OVCH1: variants seen among roughly 807,000 people sequenced by gnomAD.
The protein encoded by OVCH1 is ovochymase 1.
OVCH1 carries 139 observed loss-of-function variants against 138.4 expected under a neutral mutation model. The ratio of observed to expected loss-of-function variants is 1.00; its 90% CI spans 0.87 to 1.16. The LOEUF (loss-of-function observed/expected upper bound fraction) is 1.16, where lower values mean the gene tolerates loss of function less well. OVCH1 is among the 50% of genes most tolerant of loss of function. The pLI is 0.00. For missense variants in OVCH1, 1,367 were observed against 1,357.9 expected, an observed-to-expected ratio of 1.01 and a Z score of -0.11; for synonymous variants, 453 against 467.8, an observed-to-expected ratio of 0.97 and a Z score of 0.41.
chr12:29,471,315 G>A (rs75678630), intron 16 of OVCH1, among the ~76,000 whole-genome samples: 6,539 of 152,138 alleles, frequency 0.043, 171 homozygotes, highest in East Asian at 0.069. Flanking sequence ...TAATCAAGGC[G>A]GTAGGTTATT....
At chr12:29,430,917 C>T (rs1258574336) in intron 27 of OVCH1, 1 of 518,218 alleles carries the variant, frequency 1.9e-6, no homozygotes, top group Non-Finnish European at 3.9e-6. Context: ...TAGCTGCCCT[C>T]CCAGAGTACC....
At chr12:29,474,133 CCTGA>C (rs1327534835) in intron 14 of OVCH1, among the ~76,000 whole-genome samples, 9 of 150,376 alleles carry the variant, frequency 6.0e-5, no homozygotes, top group Non-Finnish European at 8.9e-5. Flanking sequence ...CTAAGAGAAC[CCTGA>C]CTAATACAAC....
downstream of OVCH1, among the ~76,000 whole-genome samples, chr12:29,409,872 T>C (rs141729037): frequency 7.7e-3 from 1,171 of 152,264 alleles, 14 homozygotes; most frequent in African/African-American, 0.027. Context: ...TTGTCAACTT[T>C]CTGTCTCATC....
At chr12:29,450,932 C>T (rs1020616467) in intron 22 of OVCH1, among the ~76,000 whole-genome samples, 12 of 150,822 alleles carry the variant, frequency 8.0e-5, no homozygotes, top group South Asian at 4.2e-4. Flanking sequence ...AACCAAACAC[C>T]GCATGTTCTC....
chr12:29,412,971 T>TACTAACTA (rs5797321), intron 3 of OVCH1, among the ~76,000 whole-genome samples: 1 of 151,496 alleles, frequency 6.6e-6, no homozygotes, highest in Non-Finnish European at 1.5e-5. Flanking sequence ...CTCCTAAGCC[T>TACTAACTA]ACTAACTAAC....
At chr12:29,459,463 AGAAG>A (rs1315226164) in intron 19 of OVCH1, among the ~76,000 whole-genome samples, 1 of 152,196 alleles carries the variant, frequency 6.6e-6, no homozygotes, top group African/African-American at 2.4e-5. Flanking sequence ...GATAGAGTAT[AGAAG>A]GATGATTACC....
At chr12:29,460,404 T>C (rs1452632161) in intron 19 of OVCH1, among the ~76,000 whole-genome samples, 1 of 152,184 alleles carries the variant, frequency 6.6e-6, no homozygotes, top group African/African-American at 2.4e-5. Context: ...GTGATTTTTA[T>C]CAGATAACAT....
chr12:29,444,062 T>G, intron 24 of OVCH1, 83 bp downstream of exon 24: 3 of 1,426,716 alleles, frequency 2.1e-6, no homozygotes, highest in Non-Finnish European at 2.8e-6. Context: ...AGAATAATGT[T>G]TTAAGCAAGT....
downstream of OVCH1, among the ~76,000 whole-genome samples, chr12:29,411,975 C>G (rs1308764660): frequency 1.0e-5 from 1 of 98,174 alleles, no homozygotes; most frequent in African/African-American, 2.7e-5. Flanking sequence ...CAAGCTTCCC[C>G]GCTGCTTTAT....
chr12:29,417,527 A>G (rs1393626021), intron 3 of OVCH1, among the ~76,000 whole-genome samples: 1 of 151,208 alleles, frequency 6.6e-6, no homozygotes, highest in East Asian at 1.9e-4. Context: ...GAAATGTTCT[A>G]TATCTTGATT....
Position 29,443,505 on chromosome 12 carries a change from G to A in OVCH1, c.3018-5C>T. 2 of 1,577,812 alleles carry A rather than the reference G, an allele frequency of 1.3e-6. No homozygotes were observed. Among genetic ancestry groups the A allele is most frequent in the Non-Finnish European group, 1.7e-6 (2 of 1,160,328 alleles). Reference sequence around the variant, plus strand: ...GCTACTAATCTCCATTGGCAACTATGGCATAGATGAAACAAAGTCAGAAAT... The same window carrying A: ...GCTACTAATCTCCATTGGCAACTATAGCATAGATGAAACAAAGTCAGAAAT... On this transcript the variant is annotated splice_polypyrimidine_tract_variant and splice_region_variant and intron_variant, in intron 24 of 27. Transcript: ENST00000318184.
intron 3 of OVCH1, among the ~76,000 whole-genome samples, chr12:29,422,053 A>T (rs952437493): frequency 2.0e-5 from 3 of 152,156 alleles, no homozygotes; most frequent in African/African-American, 7.2e-5. Flanking sequence ...TTAGGAAAAA[A>T]AGTTGTTTAC....
chr12:29,424,808 AAC>A (rs1592027554), downstream of OVCH1, among the ~76,000 whole-genome samples: 2 of 152,214 alleles, frequency 1.3e-5, no homozygotes, highest in Admixed American at 1.3e-4. Context: ...TGTAGATAAA[AAC>A]AATATTTTCT....
chr12:29,493,362 CAT>C (rs57259398), intron 4 of OVCH1, among the ~76,000 whole-genome samples: 1,535 of 152,180 alleles, frequency 0.01, 26 homozygotes, highest in African/African-American at 0.034. Flanking sequence ...ATTTTCAGCA[CAT>C]GTCTAGATAT....
intron 19 of OVCH1, among the ~76,000 whole-genome samples, chr12:29,460,678 C>G (rs1942102127): frequency 1.3e-5 from 2 of 152,018 alleles, no homozygotes; most frequent in African/African-American, 4.8e-5. Context: ...CATCACTGCC[C>G]TGAGTTTCCT....
chr12:29,475,286 A>C, intron 13 of OVCH1, 97 bp from the exon 14 acceptor site: 1 of 1,019,454 alleles, frequency 9.8e-7, no homozygotes, highest in Non-Finnish European at 1.4e-6. Flanking sequence ...CAACTACTTT[A>C]GTTTTCTCCA....
At chr12:29,433,659 T>C (rs1440582644) in intron 27 of OVCH1, 3 of 1,295,836 alleles carry the variant, frequency 2.3e-6, no homozygotes, top group East Asian at 6.1e-5. Flanking sequence ...GCCTGGCATA[T>C]TCCTACAACA....
At chr12:29,411,314 T>G (rs976856790), downstream of OVCH1, among the ~76,000 whole-genome samples, 7 of 150,820 alleles carry the variant, frequency 4.6e-5, no homozygotes, top group Admixed American at 4.0e-4. Flanking sequence ...GTCAAAGTCA[T>G]TCTCCATCCA....
At chr12:29,406,105 T>TATAAAAACAA in the OVCH1 span, among the ~76,000 whole-genome samples, 1 of 152,212 alleles carries the variant, frequency 6.6e-6, no homozygotes, top group Non-Finnish European at 1.5e-5. Flanking sequence ...TTTTCACTGT[T>TATAAAAACAA]ATAAAAACAA....
Sources: gnomAD v4.1 joint callset for allele counts (sites outside exome capture counted in the v4.1 genomes callset) on GRCh38, gnomAD v4.1.1 for gene constraint, MANE v1.5 for transcripts, NCBI Gene and HGNC (gene_info 2026-07-23, HGNC 2026-07-21) for gene names.